The following ST6GALNAC3 variants were observed in gnomAD, a reference collection of about 807,000 sequenced individuals.
The protein encoded by ST6GALNAC3 is alpha-N-acetylgalactosaminide alpha-2,6-sialyltransferase 3.
Under a neutral mutation model 32.7 loss-of-function variants are expected in ST6GALNAC3, and 25 were observed. The ratio of observed to expected loss-of-function variants is 0.76; its 90% CI spans 0.56 to 1.07. The LOEUF is 1.07. ST6GALNAC3 is among the 50% of genes least tolerant of loss of function. The pLI is 0.00. For synonymous variants in ST6GALNAC3, 129 were observed against 133.1 expected (o/e 0.97, Z 0.21); for missense variants, 355 against 382.4 (o/e 0.93, Z 0.60).
At chr1:76,482,656 G>A (rs944110981) in intron 3 of ST6GALNAC3, among the ~76,000 whole-genome samples, 16 of 152,090 alleles carry the variant, frequency 1.1e-4, no homozygotes, top group African/African-American at 3.9e-4. Flanking sequence ...TGAATAACTT[G>A]ACAAGAGTCA....
intron 3 of ST6GALNAC3, among the ~76,000 whole-genome samples, chr1:76,524,891 A>T (rs1424954122): frequency 6.6e-6 from 1 of 151,922 alleles, no homozygotes; most frequent in South Asian, 2.1e-4. Flanking sequence ...ATATAAAAAA[A>T]TTTTGTGATA....
intron 1 of ST6GALNAC3, among the ~76,000 whole-genome samples, chr1:76,258,242 GTTTAAT>G (rs1330291309): frequency 6.6e-6 from 1 of 152,144 alleles, no homozygotes; most frequent in Non-Finnish European, 1.5e-5. Flanking sequence ...GAGGTGTTAA[GTTTAAT>G]TTTTTTGAAG....
intron 3 of ST6GALNAC3, among the ~76,000 whole-genome samples, chr1:76,552,568 T>C (rs1171045631): frequency 1.3e-5 from 2 of 152,282 alleles, no homozygotes; most frequent in Non-Finnish European, 2.9e-5. Flanking sequence ...TCTGTAGAAA[T>C]TCTGTTGTTA....
intron 1 of ST6GALNAC3, among the ~76,000 whole-genome samples, chr1:76,143,782 GAGA>G (rs2100294221): frequency 2.0e-5 from 3 of 152,274 alleles, no homozygotes; most frequent in African/African-American, 7.2e-5. Context: ...TCATGTGCTT[GAGA>G]AGAAGACTGT....
intron 1 of ST6GALNAC3, among the ~76,000 whole-genome samples, chr1:76,269,634 G>A (rs1291553469): frequency 6.6e-6 from 1 of 152,182 alleles, no homozygotes; most frequent in Non-Finnish European, 1.5e-5. Flanking sequence ...TCATTTGGTA[G>A]GTATCCAGTT....
intron 3 of ST6GALNAC3, among the ~76,000 whole-genome samples, chr1:76,532,024 A>G (rs566263364): frequency 6.6e-6 from 1 of 152,164 alleles, no homozygotes; most frequent in Non-Finnish European, 1.5e-5. Flanking sequence ...GGATACTGGG[A>G]TAGCTGTCGC....
chr1:76,590,332 T>G (rs1474372827), intron 3 of ST6GALNAC3, among the ~76,000 whole-genome samples: 1 of 152,234 alleles, frequency 6.6e-6, no homozygotes, highest in Non-Finnish European at 1.5e-5. Context: ...TCTCAAATAA[T>G]GCAACAATAA....
chr1:76,396,375 G>A (rs1158199146), intron 2 of ST6GALNAC3, among the ~76,000 whole-genome samples: 1 of 152,180 alleles, frequency 6.6e-6, no homozygotes, highest in African/African-American at 2.4e-5. Flanking sequence ...TGAGGTGGAA[G>A]GATCACTTGA....
chr1:76,197,441 A>C (rs1410539053), intron 1 of ST6GALNAC3, among the ~76,000 whole-genome samples: 1 of 150,736 alleles, frequency 6.6e-6, no homozygotes, highest in Non-Finnish European at 1.5e-5. Context: ...TGTCAAGGGA[A>C]GGGCAGGAAG....
chr1:76,281,530 A>G (rs935442396), intron 1 of ST6GALNAC3, among the ~76,000 whole-genome samples: 10 of 152,204 alleles, frequency 6.6e-5, no homozygotes, highest in Admixed American at 2.0e-4. Flanking sequence ...ACAGTGTTCA[A>G]AGGCACACAG....
chr1:76,158,766 T>G (rs537243313), intron 1 of ST6GALNAC3, among the ~76,000 whole-genome samples: 27 of 152,298 alleles, frequency 1.8e-4, no homozygotes, highest in Admixed American at 1.5e-3. Context: ...AATTAGTAGC[T>G]TTTACTATTA....
chr1:76,507,443 C>A (rs1360065574), intron 3 of ST6GALNAC3, among the ~76,000 whole-genome samples: 1 of 152,136 alleles, frequency 6.6e-6, no homozygotes, highest in Non-Finnish European at 1.5e-5. Flanking sequence ...CCTCTCAGGC[C>A]CCCCAACACT....
intron 3 of ST6GALNAC3, among the ~76,000 whole-genome samples, chr1:76,585,353 T>C (rs935139642): frequency 1.3e-5 from 2 of 150,078 alleles, no homozygotes; most frequent in African/African-American, 4.9e-5. Flanking sequence ...GCCACTGCAC[T>C]CCAGTCTGGG....
chr1:76,208,875 T>G (rs760538736), intron 1 of ST6GALNAC3, among the ~76,000 whole-genome samples: 1 of 152,226 alleles, frequency 6.6e-6, no homozygotes, highest in Non-Finnish European at 1.5e-5. Context: ...AGACAAGTAG[T>G]GCTGATAAAG....
intron 3 of ST6GALNAC3, among the ~76,000 whole-genome samples, chr1:76,598,326 C>G (rs1647170865): frequency 6.6e-6 from 1 of 152,112 alleles, no homozygotes. Context: ...TGAATTCTTC[C>G]TGAGCACGTG....
At chr1:76,607,998 A>G (rs1647671960) in intron 3 of ST6GALNAC3, among the ~76,000 whole-genome samples, 1 of 152,224 alleles carries the variant, frequency 6.6e-6, no homozygotes, top group Admixed American at 6.5e-5. Context: ...GAGATGAGCC[A>G]ATCAGTCCAC....
chr1:76,438,026 G>C (rs1055705661), intron 3 of ST6GALNAC3, among the ~76,000 whole-genome samples: 2 of 151,648 alleles, frequency 1.3e-5, no homozygotes, highest in African/African-American at 4.9e-5. Context: ...GAAAATTAAC[G>C]TCAAAATAAA....
At chr1:76,211,188 C>G (rs1351435673) in intron 1 of ST6GALNAC3, among the ~76,000 whole-genome samples, 1 of 152,182 alleles carries the variant, frequency 6.6e-6, no homozygotes, top group Non-Finnish European at 1.5e-5. Flanking sequence ...TGAAAAAATG[C>G]TCATCATCAC....
chr1:76,272,579 C>A (rs1322188396), intron 1 of ST6GALNAC3, among the ~76,000 whole-genome samples: 1 of 152,182 alleles, frequency 6.6e-6, no homozygotes, highest in Non-Finnish European at 1.5e-5. Context: ...AACAGCTTTT[C>A]CTCCTTGGTG....
Sources: allele counts gnomAD v4.1 joint callset (sites outside exome capture counted in the v4.1 genomes callset), GRCh38; gene constraint gnomAD v4.1.1; transcripts MANE v1.5; gene names NCBI Gene and HGNC (gene_info 2026-07-23, HGNC 2026-07-21).